CSMD1: variants seen among roughly 807,000 people sequenced by gnomAD.
The protein encoded by CSMD1 is CUB and Sushi multiple domains 1.
In CSMD1, 213 loss-of-function variants were observed where a neutral mutation model predicts 417.5. That is an observed-to-expected ratio of 0.51 (90% CI 0.46 to 0.57). The LOEUF (loss-of-function observed/expected upper bound fraction) is 0.57. Among genes scored for constraint, CSMD1 ranks in the 20% least tolerant of loss-of-function variants. The pLI, the probability that CSMD1 is intolerant of heterozygous loss-of-function variation, is 0.00. For missense variants in CSMD1, 6,923 were observed against 4,529.7 expected, an observed-to-expected ratio of 1.53 and a Z score of -15.17; for synonymous variants, 2,862 against 1,736.8, an observed-to-expected ratio of 1.65 and a Z score of -16.11.
intron 10 of CSMD1, among the ~76,000 whole-genome samples, chr8:3,566,388 C>G (rs891815560): frequency 2.6e-5 from 4 of 152,144 alleles, no homozygotes; most frequent in African/African-American, 9.6e-5. Flanking sequence ...AAAGGAAATA[C>G]GAACGGACCC....
At chr8:3,526,327 T>G (rs75681888) in intron 10 of CSMD1, among the ~76,000 whole-genome samples, 4 of 151,532 alleles carry the variant, frequency 2.6e-5, no homozygotes, top group South Asian at 2.1e-4. Context: ...ATTTTTTTTT[T>G]GTGGAAATTG....
intron 3 of CSMD1, among the ~76,000 whole-genome samples, chr8:4,222,804 A>T (rs1585049475): frequency 6.6e-6 from 1 of 152,292 alleles, no homozygotes; most frequent in East Asian, 1.9e-4. Context: ...GGTTGAGCTG[A>T]CCTGAGGATT....
chr8:3,920,568 G>T (rs1809171111), intron 5 of CSMD1, among the ~76,000 whole-genome samples: 1 of 152,098 alleles, frequency 6.6e-6, no homozygotes, highest in Non-Finnish European at 1.5e-5. Context: ...AATTTAAAGA[G>T]AAATGCTTTC....
At chr8:4,690,459 C>A (rs1189757694) in intron 1 of CSMD1, among the ~76,000 whole-genome samples, 1 of 152,118 alleles carries the variant, frequency 6.6e-6, no homozygotes, top group African/African-American at 2.4e-5. Flanking sequence ...AAGGAAATAT[C>A]AAAATTTGTA....
chr8:3,641,883 G>A (rs533541441), intron 7 of CSMD1, among the ~76,000 whole-genome samples: 111 of 152,248 alleles, frequency 7.3e-4, no homozygotes, highest in Admixed American at 1.4e-3. Context: ...ATAAGGTTTC[G>A]CTACATAGGC....
intron 2 of CSMD1, among the ~76,000 whole-genome samples, chr8:4,612,714 G>C (rs1048362470): frequency 6.6e-6 from 1 of 152,140 alleles, no homozygotes; most frequent in Non-Finnish European, 1.5e-5. Context: ...AGGGTATGGA[G>C]GCTGGTGGGT....
At chr8:3,191,360 G>A (rs972808670) in intron 33 of CSMD1, among the ~76,000 whole-genome samples, 1 of 152,152 alleles carries the variant, frequency 6.6e-6, no homozygotes, top group Non-Finnish European at 1.5e-5. Context: ...GGAGTCTGAG[G>A]CAGGATAATC....
At position 3,712,375 on chromosome 8, in the gene CSMD1, GGA is replaced by G. The variant is rs746268570; in HGVS notation, c.932-3886_932-3885del. ...AGAGATTTTCATTTGCAAAGAAACA[GGA>G]GAGAGAGAGAGAGAGAGAGAGAGAC... On this transcript the variant is annotated intron_variant, in intron 6 of 69. Coordinates refer to ENST00000635120, the MANE Select transcript of CSMD1 (RefSeq NM_033225.6). Among the ~76,000 whole-genome samples, 532 of 112,330 alleles carry G rather than the reference GGA, an allele frequency of 4.7e-3. 5 individuals are homozygous for G. Among genetic ancestry groups the G allele is most frequent in the Non-Finnish European group, 4.7e-3 (250 of 52,770 alleles). 73.7% of individuals were successfully genotyped at this position (112,330 alleles called of 152,430 possible).
At chr8:3,876,632 C>T (rs1158486364) in intron 5 of CSMD1, among the ~76,000 whole-genome samples, 1 of 152,156 alleles carries the variant, frequency 6.6e-6, no homozygotes, top group East Asian at 1.9e-4. Flanking sequence ...GTTTTTGAGA[C>T]AGAGTCTTGC....
rs1381371291 is a variant in CSMD1 at position 2,973,214 on chromosome 8, G to A, written c.8826C>T (p.Leu2942=). The A allele has an allele frequency of 1.9e-6, 3 of 1,613,788 alleles. No individual in the cohort carries two copies. Among genetic ancestry groups the A allele is most frequent in the Non-Finnish European group, 1.7e-6 (2 of 1,179,862 alleles). Residue 2942 remains leucine (L), a synonymous_variant, in exon 57 of 70, where the codon CTC becomes CTT. Transcript: ENST00000635120. ...LGDDFKTKSL[L]RFSCEMGHQL... ...GGTGCCCCATTTCACAGGAGAAGCG[G>A]AGAAGACTCTTTGTCTTAAAGTCAT...
rs367734973 is a variant in CSMD1 at position 4,771,144 on chromosome 8, C to A, written c.86-133586G>T. ...TGTTAAAATTGGTGAAGATATGATT[C>A]AGTTTAAACACACATTACACAGAGA... On this transcript the variant is annotated intron_variant, in intron 1 of 69. Transcript: ENST00000635120. Among the ~76,000 whole-genome samples, 17 of 152,282 alleles carry A rather than the reference C, an allele frequency of 1.1e-4. No homozygotes were observed. The East Asian group carries it at 2.3e-3, about 21-fold the overall frequency.
At chr8:3,125,518 G>C (rs1817457390) in intron 41 of CSMD1, among the ~76,000 whole-genome samples, 1 of 152,186 alleles carries the variant, frequency 6.6e-6, no homozygotes, top group South Asian at 2.1e-4. Flanking sequence ...TGATAAAGAA[G>C]TTACCTTCTA....
In CSMD1 at chr8:2,936,335, C is replaced by T. The variant is rs1328013592; in HGVS notation, c.*2250G>A. On this transcript the variant is annotated 3_prime_UTR_variant, in exon 70 of 70. Transcript: ENST00000635120. ...TTCAGACTCTGAAGTCAGCATTTTG[C>T]ACCTAGTTTGAATGACTCAAACTTA... The T allele has an allele frequency of 2.0e-5, 3 of 151,324 alleles. No individual in the cohort carries two copies. Among genetic ancestry groups the T allele is most frequent in the African/African-American group, 7.3e-5 (3 of 41,146 alleles). The allele number at this position is 151,324 out of a possible 1,614,324, so 9.4% of individuals were successfully genotyped here.
intron 1 of CSMD1, among the ~76,000 whole-genome samples, chr8:4,663,009 T>C (rs780669391): frequency 5.3e-5 from 8 of 152,250 alleles, no homozygotes; most frequent in Non-Finnish European, 8.8e-5. Flanking sequence ...TTTGTTTTGT[T>C]TTGATTTCCC....
At chr8:3,025,420 G>C (rs553331319) in intron 51 of CSMD1, among the ~76,000 whole-genome samples, 1 of 151,834 alleles carries the variant, frequency 6.6e-6, no homozygotes, top group South Asian at 2.1e-4. Flanking sequence ...GTATTGTGTG[G>C]TGTTATTCTG....
intron 1 of CSMD1, among the ~76,000 whole-genome samples, chr8:4,732,805 C>G (rs1476524733): frequency 3.3e-5 from 5 of 152,166 alleles, no homozygotes; most frequent in Admixed American, 2.6e-4. Context: ...TTTAGTAACT[C>G]CAGGCAGTAA....
intron 2 of CSMD1, among the ~76,000 whole-genome samples, chr8:4,575,084 A>C (rs567376257): frequency 1.0e-3 from 158 of 152,330 alleles, no homozygotes; most frequent in African/African-American, 3.7e-3. Flanking sequence ...AATAGAATCC[A>C]GCCAAAATGC....
intron 6 of CSMD1, among the ~76,000 whole-genome samples, chr8:3,715,304 C>T (rs1223676780): frequency 1.3e-5 from 2 of 152,178 alleles, no homozygotes; most frequent in South Asian, 2.1e-4. Context: ...ACACTGTAAA[C>T]ATCAGTAGGA....
intron 25 of CSMD1, among the ~76,000 whole-genome samples, chr8:3,303,176 C>T (rs17320051): frequency 0.083 from 12,673 of 152,194 alleles, 723 homozygotes; most frequent in Admixed American, 0.14. Context: ...GGCCTCATAC[C>T]TTTCTGTCCT....
Sources: allele counts gnomAD v4.1 joint callset (sites outside exome capture counted in the v4.1 genomes callset), GRCh38; gene constraint gnomAD v4.1.1; transcripts MANE v1.5; gene names NCBI Gene and HGNC (gene_info 2026-07-23, HGNC 2026-07-21).